Variants in PLCXD3 observed in about 807,000 individuals in gnomAD.
PLCXD3 encodes phosphatidylinositol specific phospholipase C X domain containing 3.
In PLCXD3, 19 loss-of-function variants were observed where a neutral mutation model predicts 25.5. The ratio of observed to expected loss-of-function variants is 0.75; its 90% CI spans 0.52 to 1.09. The LOEUF (loss-of-function observed/expected upper bound fraction) is 1.09. Ranked by LOEUF, PLCXD3 falls within the 50% of genes least tolerant of loss-of-function variation. PLCXD3 has a pLI of 0.00. For synonymous variants in PLCXD3, 174 were observed against 137.6 expected, an observed-to-expected ratio of 1.26 and a Z score of -1.85; for missense variants, 411 against 388.1, an observed-to-expected ratio of 1.06 and a Z score of -0.50.
At chr5:41,407,571 G>A (rs750568072) in intron 1 of PLCXD3, among the ~76,000 whole-genome samples, 2 of 152,062 alleles carry the variant, frequency 1.3e-5, no homozygotes, top group Non-Finnish European at 2.9e-5. Flanking sequence ...CTTCCAGCTC[G>A]TGATTGAGTC....
At chr5:41,320,584 C>T (rs1233711375) in intron 2 of PLCXD3, among the ~76,000 whole-genome samples, 2 of 152,230 alleles carry the variant, frequency 1.3e-5, no homozygotes, top group African/African-American at 4.8e-5. Context: ...GCAAGCTCCA[C>T]CTCCCGGGTT....
At chr5:41,503,446 T>C (rs1029869790) in intron 1 of PLCXD3, among the ~76,000 whole-genome samples, 1 of 152,130 alleles carries the variant, frequency 6.6e-6, no homozygotes, top group African/African-American at 2.4e-5. Context: ...TGTAATGAAA[T>C]ATAGGAACAT....
intron 1 of PLCXD3, among the ~76,000 whole-genome samples, chr5:41,406,378 A>C (rs563799367): frequency 3.3e-5 from 5 of 152,084 alleles, no homozygotes; most frequent in Non-Finnish European, 7.4e-5. Context: ...CTGACAACTA[A>C]ATTTTATTGT....
At chr5:41,422,594 C>T (rs1258216776) in intron 1 of PLCXD3, among the ~76,000 whole-genome samples, 1 of 152,108 alleles carries the variant, frequency 6.6e-6, no homozygotes, top group South Asian at 2.1e-4. Flanking sequence ...AATTGCGAGA[C>T]AATTGTCATC....
chr5:41,503,497 A>G (rs1196933709), intron 1 of PLCXD3, among the ~76,000 whole-genome samples: 1 of 152,184 alleles, frequency 6.6e-6, no homozygotes, highest in African/African-American at 2.4e-5. Context: ...CATCTGTTTC[A>G]GTACCTGACC....
chr5:41,438,763 C>G (rs1369397925), intron 1 of PLCXD3, among the ~76,000 whole-genome samples: 1 of 151,234 alleles, frequency 6.6e-6, no homozygotes, highest in Non-Finnish European at 1.5e-5. Flanking sequence ...AATAGCTAGT[C>G]CTTTGGAGCT....
At chr5:41,498,368 T>C (rs1284128362) in intron 1 of PLCXD3, among the ~76,000 whole-genome samples, 1 of 151,544 alleles carries the variant, frequency 6.6e-6, no homozygotes, top group Non-Finnish European at 1.5e-5. Context: ...CATAAAGGAT[T>C]ATAAGATGCT....
rs1456385024 is a variant in PLCXD3 at position 41,313,126 on chromosome 5, G to A, written c.*491C>T. 2 of 156,888 alleles carry A rather than the reference G, an allele frequency of 1.3e-5. No homozygotes were observed. Among genetic ancestry groups the A allele is most frequent in the African/African-American group, 2.4e-5 (1 of 41,438 alleles). 9.7% of individuals were successfully genotyped at this position (156,888 alleles called of 1,614,324 possible). A position where few individuals can be genotyped will look rare whatever the true frequency, so the allele number is the denominator to read the frequency against. On this transcript the variant is annotated 3_prime_UTR_variant, in exon 3 of 3. Transcript: ENST00000377801. ...TTGCCCAACTGTGGATGACTATAGA[G>A]CATTATAACAAGTCCCACAAAACTA...
At chr5:41,422,153 T>C (rs1321733658) in intron 1 of PLCXD3, among the ~76,000 whole-genome samples, 2 of 152,214 alleles carry the variant, frequency 1.3e-5, no homozygotes, top group African/African-American at 4.8e-5. Flanking sequence ...TGGAACTCCA[T>C]ATTTCTGAAT....
intron 1 of PLCXD3, among the ~76,000 whole-genome samples, chr5:41,459,007 T>C (rs1191208101): frequency 6.6e-6 from 1 of 151,966 alleles, no homozygotes; most frequent in Non-Finnish European, 1.5e-5. Context: ...TATTTAGACA[T>C]TCCTATAGAA....
intron 1 of PLCXD3, among the ~76,000 whole-genome samples, chr5:41,385,791 G>T (rs1395120706): frequency 1.3e-5 from 2 of 152,104 alleles, no homozygotes; most frequent in East Asian, 3.9e-4. Context: ...TGTTGGAGAG[G>T]CCCATGTGAC....
chr5:41,341,629 T>C (rs992710311), intron 2 of PLCXD3, among the ~76,000 whole-genome samples: 1 of 152,162 alleles, frequency 6.6e-6, no homozygotes, highest in African/African-American at 2.4e-5. Flanking sequence ...CTGTTTGCAA[T>C]ATTACCTCTT....
chr5:41,386,077 A>G (rs1214743392), intron 1 of PLCXD3, among the ~76,000 whole-genome samples: 3 of 152,156 alleles, frequency 2.0e-5, no homozygotes, highest in Admixed American at 1.3e-4. Context: ...ATAGTTAACT[A>G]ATACAGGCCA....
At chr5:41,459,398 G>T (rs1398404458) in intron 1 of PLCXD3, among the ~76,000 whole-genome samples, 1 of 151,774 alleles carries the variant, frequency 6.6e-6, no homozygotes, top group African/African-American at 2.4e-5. Context: ...TGCTATAAAT[G>T]GAGGTGAAAA....
intron 1 of PLCXD3, among the ~76,000 whole-genome samples, chr5:41,506,810 T>C (rs1441041065): frequency 2.0e-5 from 3 of 152,194 alleles, no homozygotes; most frequent in Non-Finnish European, 4.4e-5. Flanking sequence ...GCACAATCAT[T>C]GATTTATAAA....
chr5:41,490,576 T>TG (rs1172180965), intron 1 of PLCXD3, among the ~76,000 whole-genome samples: 1 of 152,130 alleles, frequency 6.6e-6, no homozygotes, highest in Non-Finnish European at 1.5e-5. Context: ...GGACTATTTT[T>TG]GTTGGTAAGC....
intron 2 of PLCXD3, among the ~76,000 whole-genome samples, chr5:41,376,701 C>T (rs981443063): frequency 2.0e-5 from 3 of 152,052 alleles, no homozygotes; most frequent in Non-Finnish European, 2.9e-5. Context: ...TCTAAGTTAC[C>T]ATAGACCTTG....
intron 1 of PLCXD3, among the ~76,000 whole-genome samples, chr5:41,486,174 T>A (rs960457756): frequency 4.6e-5 from 7 of 152,028 alleles, no homozygotes; most frequent in African/African-American, 1.4e-4. Context: ...CTTGGGTGAG[T>A]AGATATCATA....
At chr5:41,412,976 C>A (rs1183255531) in intron 1 of PLCXD3, among the ~76,000 whole-genome samples, 1 of 152,100 alleles carries the variant, frequency 6.6e-6, no homozygotes, top group African/African-American at 2.4e-5. Context: ...CATGTTTGGT[C>A]TCTTAAGGAA....
Sources: gnomAD v4.1 joint callset for allele counts (sites outside exome capture counted in the v4.1 genomes callset) on GRCh38, gnomAD v4.1.1 for gene constraint, MANE v1.5 for transcripts, NCBI Gene and HGNC (gene_info 2026-07-23, HGNC 2026-07-21) for gene names.